The following POLR1C variants were observed in gnomAD, a reference collection of about 807,000 sequenced individuals.
The protein encoded by POLR1C is RNA polymerase I and III subunit C.
A neutral mutation model predicts 38.3 loss-of-function variants in POLR1C; 42 were observed. The ratio of observed to expected loss-of-function variants is 1.10; its 90% CI spans 0.86 to 1.42. POLR1C has a LOEUF of 1.42. Ranked by LOEUF, POLR1C falls within the 40% of genes most tolerant of loss-of-function variation. The pLI, the probability that POLR1C is intolerant of heterozygous loss-of-function variation, is 0.00. For missense variants in POLR1C, 507 were observed against 450.5 expected (o/e 1.13, Z -1.14); for synonymous variants, 163 against 163.9 (o/e 0.99, Z 0.04).
At chr6:43,542,934 C>A (rs1052531185) in intron 9 of POLR1C, among the ~76,000 whole-genome samples, 4 of 151,982 alleles carry the variant, frequency 2.6e-5, no homozygotes, top group Non-Finnish European at 5.9e-5. Context: ...TCAACAGCAG[C>A]ATGATATGTA....
At chr6:43,533,996 G>A (rs1331288262), downstream of POLR1C, 1 of 1,600,502 alleles carries the variant, frequency 6.2e-7, no homozygotes, top group South Asian at 1.1e-5. Context: ...TGCATATAAT[G>A]TATTGTGGGT....
At chr6:43,544,755 A>G (rs1457656688) in intron 9 of POLR1C, among the ~76,000 whole-genome samples, 1 of 152,202 alleles carries the variant, frequency 6.6e-6, no homozygotes, top group Non-Finnish European at 1.5e-5. Flanking sequence ...TCTATTAATA[A>G]AAACATCACG....
Position 43,520,066 on chromosome 6 carries a change from G to C in POLR1C, c.383G>C (p.Gly128Ala). The C allele has an allele frequency of 1.2e-6, 2 of 1,614,164 alleles. No homozygotes were observed. Among genetic ancestry groups the C allele is most frequent in the African/African-American group, 2.7e-5 (2 of 75,042 alleles). ...TTAGGAGCTCCCTCCATTTGTGCAG[G>C]AGATGAAGAAGGCACAGAGATAGAT... ...DPRLFEYRNQGDEEGTEIDTL... is the reference protein window; with the variant it reads ...DPRLFEYRNQADEEGTEIDTL... Residue 128 changes from glycine (G) to alanine (A), a missense_variant and splice_region_variant, in exon 5 of 9, where the codon GGA (glycine) becomes GCA (alanine). Gly to Ala is a moderately conservative substitution (Grantham distance 60, BLOSUM62 0). Coordinates refer to ENST00000642195, the MANE Select transcript of POLR1C (RefSeq NM_203290.4).
downstream of POLR1C, chr6:43,524,043 C>T: frequency 1.9e-6 from 3 of 1,600,542 alleles, no homozygotes; most frequent in Non-Finnish European, 1.7e-6. Flanking sequence ...ATGCTGGGCC[C>T]TCAGTAGTAG....
intron 9 of POLR1C, chr6:43,547,444 GA>G: frequency 1.4e-6 from 1 of 716,848 alleles, no homozygotes; most frequent in Non-Finnish European, 2.5e-6. Context: ...ACTAACTCAA[GA>G]ATTCAAGACT....
At chr6:43,544,283 C>G (rs1194027272) in intron 9 of POLR1C, 1 of 158,612 alleles carries the variant, frequency 6.3e-6, no homozygotes, top group African/African-American at 2.4e-5. Flanking sequence ...TATACACTTT[C>G]CATTGTCTTT....
chr6:43,539,256 C>T (rs901691218), intron 9 of POLR1C: 13 of 1,418,884 alleles, frequency 9.2e-6, no homozygotes, highest in South Asian at 4.7e-5. Flanking sequence ...CCACGGGTGG[C>T]GGTGGCCACC....
At chr6:43,539,592 G>A (rs1473915974) in intron 9 of POLR1C, 14 of 1,381,582 alleles carry the variant, frequency 1.0e-5, no homozygotes, top group East Asian at 2.3e-5. Flanking sequence ...CCACGGCTGC[G>A]ACCCCGGCCC....
downstream of POLR1C, chr6:43,525,517 A>G (rs1185822096): frequency 4.0e-6 from 2 of 500,664 alleles, no homozygotes; most frequent in Non-Finnish European, 3.5e-6. Flanking sequence ...TGCCAGTCAA[A>G]AAGAAAAAAT....
downstream of POLR1C, chr6:43,530,872 G>A: frequency 1.3e-6 from 2 of 1,583,940 alleles, no homozygotes; most frequent in Non-Finnish European, 1.7e-6. Context: ...TCCAACATCT[G>A]TTACTGCCAG....
At chr6:43,542,460 A>G (rs1794745918) in intron 9 of POLR1C, among the ~76,000 whole-genome samples, 1 of 151,858 alleles carries the variant, frequency 6.6e-6, no homozygotes, top group Non-Finnish European at 1.5e-5. Flanking sequence ...CCCAGGCTGG[A>G]GTACGGTAAC....
chr6:43,526,719 A>G (rs764635768), intron 8 of POLR1C: 1 of 1,613,990 alleles, frequency 6.2e-7, no homozygotes. Context: ...TACTGTGGTC[A>G]GCACCCTTCT....
chr6:43,531,011 A>G (rs963182915), downstream of POLR1C, among the ~76,000 whole-genome samples: 5 of 152,322 alleles, frequency 3.3e-5, no homozygotes, highest in Admixed American at 2.0e-4. Context: ...CGAGATCAGC[A>G]GTAGCTTTCA....
In POLR1C at chr6:43,517,159, G is replaced by C. The variant is rs758526789; in HGVS notation, c.50G>C (p.Gly17Ala). The C allele has an allele frequency of 6.2e-7, 1 of 1,614,176 alleles. No homozygotes were observed. The highest frequency in any genetic ancestry group is 8.5e-7 in the Non-Finnish European group (1 of 1,180,030). The change falls in exon 1 of 9, where the codon GGG (glycine) becomes GCG (alanine). Residue 17 changes from glycine (G) to alanine (A), a missense_variant. Gly to Ala is a moderately conservative substitution (Grantham distance 60). Coordinates refer to ENST00000642195, the MANE Select transcript of POLR1C (RefSeq NM_203290.4). The stretch of plus-strand genomic sequence containing the variant: ...GAAATGCGGAGCCGCGTGGTTCTGG[G>C]GGAGTTTGGGGTTCGCAATGTAAGC... The part of the protein sequence containing the change: ...VEEMRSRVVL[G>A]EFGVRNVHTT...
chr6:43,541,475 G>A (rs1038382244), intron 9 of POLR1C, among the ~76,000 whole-genome samples: 2 of 152,122 alleles, frequency 1.3e-5, no homozygotes, highest in Admixed American at 6.5e-5. Flanking sequence ...ACAATTCAGT[G>A]GTATTTAATA....
At chr6:43,526,201 C>A, downstream of POLR1C, 1 of 454,452 alleles carries the variant, frequency 2.2e-6, no homozygotes, top group South Asian at 2.8e-5. Context: ...AATATTTGAG[C>A]ACCAGACACT....
intron 9 of POLR1C, among the ~76,000 whole-genome samples, chr6:43,542,615 G>A (rs1000919281): frequency 2.0e-5 from 3 of 151,870 alleles, no homozygotes; most frequent in Non-Finnish European, 2.9e-5. Context: ...GAGTAGAGAC[G>A]GGGTTTCACC....
At chr6:43,529,083 A>G (rs1157174455) in intron 8 of POLR1C, among the ~76,000 whole-genome samples, 1 of 152,240 alleles carries the variant, frequency 6.6e-6, no homozygotes, top group African/African-American at 2.4e-5. Flanking sequence ...TTCTTTTCCT[A>G]AAATCCTAAA....
chr6:43,560,774 A>G (rs1008937402), intron 10 of POLR1C: 9 of 689,520 alleles, frequency 1.3e-5, no homozygotes, highest in Admixed American at 7.9e-5. Context: ...AGAAGAGCCA[A>G]TAATTCTCTT....
Sources: allele counts gnomAD v4.1 joint callset (sites outside exome capture counted in the v4.1 genomes callset), GRCh38; gene constraint gnomAD v4.1.1; transcripts MANE v1.5; gene names NCBI Gene and HGNC (gene_info 2026-07-23, HGNC 2026-07-21).